ACTR3: variants seen among roughly 807,000 people sequenced by gnomAD.
ACTR3 encodes actin related protein 3, also known as actin-related protein 3.
Under a neutral mutation model 56.8 loss-of-function variants are expected in ACTR3, and 12 were observed. That is an observed-to-expected ratio of 0.21 (90% CI 0.14 to 0.34). The LOEUF is 0.34. ACTR3 is among the 10% of genes least tolerant of loss of function. The pLI is 1.00. For synonymous variants in ACTR3, 162 were observed against 167.4 expected, an observed-to-expected ratio of 0.97 and a Z score of 0.25; for missense variants, 282 against 512.5, an observed-to-expected ratio of 0.55 and a Z score of 4.34.
At chr2:113,921,219 A>G (rs1431649821) in intron 3 of ACTR3, among the ~76,000 whole-genome samples, 1 of 151,454 alleles carries the variant, frequency 6.6e-6, no homozygotes, top group Non-Finnish European at 1.5e-5. Flanking sequence ...CCTGATGATT[A>G]GTCATGTTGG....
chr2:113,921,132 A>AT (rs1318613225), intron 3 of ACTR3, among the ~76,000 whole-genome samples: 4 of 151,238 alleles, frequency 2.6e-5, no homozygotes, highest in Non-Finnish European at 5.9e-5. Context: ...AGCATTTGTG[A>AT]TTTTTTTTGT....
In ACTR3 at chr2:113,942,371, T is replaced by C. The variant is rs1679938770; in HGVS notation, c.858+12T>C. The C allele has an allele frequency of 1.9e-6, 3 of 1,554,898 alleles. No homozygotes were observed. The South Asian group carries it at 3.7e-5, about 19-fold the overall frequency. Reference sequence around the variant, plus strand: ...TTTTTCATCCAGAGGTAATTTTTTTTAACGGAATTGTTTAAAAGTATTCAG... The same window carrying C: ...TTTTTCATCCAGAGGTAATTTTTTTCAACGGAATTGTTTAAAAGTATTCAG... On this transcript the variant is annotated intron_variant, in intron 8 of 11. Transcript: ENST00000263238.
chr2:113,920,121 A>C (rs1366692585), intron 3 of ACTR3, among the ~76,000 whole-genome samples: 3 of 152,154 alleles, frequency 2.0e-5, no homozygotes, highest in Admixed American at 2.0e-4. Context: ...ATGGGGTTTC[A>C]CCATTTGGCC....
In ACTR3 at chr2:113,941,546, G is replaced by A. The variant is rs796531717; in HGVS notation, c.685-640G>A. 1.4e-4 allele frequency among the ~76,000 whole-genome samples: 22 copies of A among 152,060 alleles called. 1 individual carries two copies. Among genetic ancestry groups the A allele is most frequent in the African/African-American group, 5.1e-4 (21 of 41,528 alleles). ...ATGTGTAAAAATACTGGAAAAGGAA[G>A]TTTTTTTAAAAAAATAAAACAAATA... On this transcript the variant is annotated intron_variant, in intron 7 of 11. Transcript: ENST00000263238.
At chr2:113,944,575 C>T (rs1457770464) in intron 8 of ACTR3, among the ~76,000 whole-genome samples, 6 of 130,350 alleles carry the variant, frequency 4.6e-5, no homozygotes, top group Admixed American at 1.7e-4. Context: ...GGTGAAACCC[C>T]GTCTCTACTA....
In ACTR3 at chr2:113,959,102, A is replaced by G. The variant is rs1188217712; in HGVS notation, c.*1647A>G. 1 of 152,030 alleles carries G rather than the reference A, an allele frequency of 6.6e-6. No individual in the cohort carries two copies. 9.4% of individuals were successfully genotyped at this position (152,030 alleles called of 1,614,324 possible). A position where few individuals can be genotyped will look rare whatever the true frequency, so the allele number is the denominator to read the frequency against. The stretch of plus-strand genomic sequence containing the variant: ...AATTCACAAACATTATAAAAATACT[A>G]TTCAAACAGTACCAAAGAGTAGATT... On this transcript the variant is annotated 3_prime_UTR_variant, in exon 12 of 12. Transcript: ENST00000263238.
rs1436856891 is a variant in ACTR3, at chr2:113,931,284, G to A, written c.337-17G>A. The A allele has an allele frequency of 5.7e-6, 8 of 1,414,608 alleles. No homozygotes were observed. The highest frequency in any genetic ancestry group is 4.5e-5 in the Admixed American group (2 of 44,728). 87.6% of individuals were successfully genotyped at this position (1,414,608 alleles called of 1,614,324 possible). A position where few individuals can be genotyped will look rare whatever the true frequency, so the allele number is the denominator to read the frequency against. On this transcript the variant is annotated splice_polypyrimidine_tract_variant and intron_variant, in intron 4 of 11. Transcript: ENST00000263238. ...TAATCTGATATTATCTATTTAAAAT[G>A]TTATTTATTTCAATAGACTGAACCT...
intron 10 of ACTR3, 110 bp downstream of exon 10, chr2:113,951,955 G>A: frequency 7.2e-7 from 1 of 1,379,716 alleles, no homozygotes; most frequent in Non-Finnish European, 1.0e-6. Context: ...GAACCTGTCA[G>A]GTATTCTAAT....
chr2:113,936,302 CAAAAAA>C (rs61526382), intron 6 of ACTR3, among the ~76,000 whole-genome samples: 1 of 78,250 alleles, frequency 1.3e-5, no homozygotes, highest in Non-Finnish European at 2.5e-5. Flanking sequence ...ACCCTGTCTC[CAAAAAA>C]AAAAAAAAAA....
intron 2 of ACTR3, among the ~76,000 whole-genome samples, chr2:113,915,492 G>A (rs567944866): frequency 1.2e-3 from 182 of 152,260 alleles, no homozygotes; most frequent in Middle Eastern, 0.01. Context: ...AGGTACTGGC[G>A]GTTAGGACTT....
chr2:113,920,653 C>T (rs1679490647), intron 3 of ACTR3, among the ~76,000 whole-genome samples: 2 of 152,194 alleles, frequency 1.3e-5, no homozygotes, highest in Non-Finnish European at 2.9e-5. Context: ...CTTTCCCCTA[C>T]CCTTTCCAGC....
intron 1 of ACTR3, among the ~76,000 whole-genome samples, chr2:113,911,876 A>G (rs1408626435): frequency 6.6e-6 from 1 of 151,460 alleles, no homozygotes; most frequent in Non-Finnish European, 1.5e-5. Flanking sequence ...AGCTGGTATT[A>G]CAGGTGCCCA....
chr2:113,938,714 A>AC (rs1485792191), intron 6 of ACTR3, among the ~76,000 whole-genome samples: 3 of 152,106 alleles, frequency 2.0e-5, no homozygotes, highest in African/African-American at 4.8e-5. Context: ...TGGTTTCCTC[A>AC]CAGGAGTGTG....
rs1166597617 is a variant in ACTR3 at position 113,960,256 on chromosome 2, A to G, written c.*2801A>G. On this transcript the variant is annotated 3_prime_UTR_variant, in exon 12 of 12. Transcript: ENST00000263238. ...TTCACATCTTCACCCTTAGACATTAATTCATGGCACCTACTATAAGTACTC... is the reference window on the plus strand; with the variant it reads ...TTCACATCTTCACCCTTAGACATTAGTTCATGGCACCTACTATAAGTACTC... 6.6e-6 allele frequency: 1 copy of G among 151,980 alleles called. No individual in the cohort carries two copies. The highest frequency in any genetic ancestry group is 1.5e-5 in the Non-Finnish European group (1 of 67,914). 9.4% of individuals were successfully genotyped at this position (151,980 alleles called of 1,614,324 possible).
intron 2 of ACTR3, among the ~76,000 whole-genome samples, chr2:113,916,170 G>A (rs17045864): frequency 0.045 from 6,907 of 152,194 alleles, 509 homozygotes; most frequent in African/African-American, 0.16. Flanking sequence ...AGTAACAGTT[G>A]AATGCCAGAT....
chr2:113,936,723 G>A (rs984732504), intron 6 of ACTR3, among the ~76,000 whole-genome samples: 9 of 152,160 alleles, frequency 5.9e-5, no homozygotes, highest in African/African-American at 2.2e-4. Flanking sequence ...AAAGAATAAT[G>A]TATTTCCTCA....
intron 3 of ACTR3, among the ~76,000 whole-genome samples, chr2:113,923,994 G>A (rs1679569553): frequency 6.6e-6 from 1 of 151,056 alleles, no homozygotes; most frequent in Non-Finnish European, 1.5e-5. Context: ...TTTGATTAAT[G>A]GATCTGGTCC....
chr2:113,949,715 A>G (rs1680088073), intron 8 of ACTR3, among the ~76,000 whole-genome samples: 1 of 152,012 alleles, frequency 6.6e-6, no homozygotes, highest in Non-Finnish European at 1.5e-5. Flanking sequence ...GGTGTGTGCC[A>G]CCATGCCTAG....
At chr2:113,931,460 A>G in intron 5 of ACTR3, 64 bp downstream of exon 5, 2 of 1,136,502 alleles carry the variant, frequency 1.8e-6, no homozygotes, top group Non-Finnish European at 1.2e-6. Context: ...TTTGCTGCCT[A>G]AAATACGTAC....
Sources: gnomAD v4.1 joint callset for allele counts (sites outside exome capture counted in the v4.1 genomes callset) on GRCh38, gnomAD v4.1.1 for gene constraint, MANE v1.5 for transcripts, NCBI Gene and HGNC (gene_info 2026-07-23, HGNC 2026-07-21) for gene names.